BBC3: variants seen among roughly 807,000 people sequenced by gnomAD.
The protein encoded by BBC3 is BCL2 binding component 3.
BBC3 carries 5 observed loss-of-function variants against 18.2 expected under a neutral mutation model. The observed-to-expected ratio is 0.27, with a 90% CI of 0.14 to 0.58. BBC3 has a LOEUF of 0.58. Among genes scored for constraint, BBC3 ranks in the 20% least tolerant of loss-of-function variants. The pLI is 0.91. For missense variants in BBC3, 224 were observed against 268.9 expected, an observed-to-expected ratio of 0.83 and a Z score of 1.17; for synonymous variants, 119 against 128.0, an observed-to-expected ratio of 0.93 and a Z score of 0.47.
At chr19:47,222,698 G>C (rs1337355476) in intron 3 of BBC3, 1 of 152,138 alleles carries the variant, frequency 6.6e-6, no homozygotes, top group East Asian at 1.9e-4. Flanking sequence ...GGGCGCGGTG[G>C]CTCACGCCTG....
At chr19:47,231,573 G>A (rs988729189), upstream of BBC3, among the ~76,000 whole-genome samples, 1 of 152,190 alleles carries the variant, frequency 6.6e-6, no homozygotes, top group South Asian at 2.1e-4. This position sits in a 1 kb window ranked among gnomAD's most constrained non-coding sequence, Gnocchi z 4.0. Flanking sequence ...AAAGTCACGT[G>A]CAGGCAGAGC....
chr19:47,232,724 C>T (rs377149725), upstream of BBC3: 8 of 854,246 alleles, frequency 9.4e-6, no homozygotes, highest in Non-Finnish European at 1.4e-5. Context: ...GTCTCCTCTA[C>T]ACTTTCCATC....
At chr19:47,224,667 A>T (rs1276033473) in intron 3 of BBC3, among the ~76,000 whole-genome samples, 1 of 152,054 alleles carries the variant, frequency 6.6e-6, no homozygotes, top group South Asian at 2.1e-4. Flanking sequence ...ATATCCATCA[A>T]TGAGAAAATG....
At chr19:47,231,209 G>A, upstream of BBC3, 1 of 981,984 alleles carries the variant, frequency 1.0e-6, no homozygotes, top group Non-Finnish European at 1.2e-6. This position sits in a 1 kb window ranked among gnomAD's most constrained non-coding sequence, Gnocchi z 4.0. Flanking sequence ...CAGGCCGCCC[G>A]GCGGATCCCG....
At chr19:47,222,928 T>G (rs1271344569) in intron 3 of BBC3, among the ~76,000 whole-genome samples, 1 of 129,560 alleles carries the variant, frequency 7.7e-6, no homozygotes, top group Admixed American at 9.0e-5. Context: ...ATCGTGCCAT[T>G]GCACTCCAGC....
At chr19:47,225,316 G>C (rs2123369233) in intron 3 of BBC3, among the ~76,000 whole-genome samples, 1 of 152,254 alleles carries the variant, frequency 6.6e-6, no homozygotes, top group Admixed American at 6.5e-5. Flanking sequence ...CCAAAGGGCT[G>C]GGATTACAGG....
At chr19:47,224,480 A>G (rs1016545046) in intron 3 of BBC3, among the ~76,000 whole-genome samples, 1 of 151,192 alleles carries the variant, frequency 6.6e-6, no homozygotes, top group African/African-American at 2.4e-5. Flanking sequence ...AATAAAAATT[A>G]GCCAGGCATG....
At chr19:47,232,447 C>T, upstream of BBC3, 1 of 1,399,674 alleles carries the variant, frequency 7.1e-7, no homozygotes, top group South Asian at 1.3e-5. Context: ...AAAGTCACAC[C>T]TGTGACAGCT....
At position 47,228,484 on chromosome 19, in the gene BBC3, G is replaced by T; in HGVS notation, c.-15-38C>A. ...GGAGGAGGAGCAGGTCAGCAGGGAA[G>T]TACCAGGGCCCACTGTACCTCCAGC... is the stretch of plus-strand genomic sequence containing the variant. On this transcript the variant is annotated intron_variant, in intron 1 of 3. Coordinates refer to ENST00000439096, the MANE Select transcript of BBC3 (RefSeq NM_014417.5). This position sits in a 1 kb window ranked among gnomAD's most constrained non-coding sequence, Gnocchi z 5.5. 1 of 1,230,534 alleles carries T rather than the reference G, an allele frequency of 8.1e-7. No homozygotes were observed. Among genetic ancestry groups the T allele is most frequent in the Non-Finnish European group, 1.0e-6 (1 of 986,810 alleles). 76.2% of individuals were successfully genotyped at this position (1,230,534 alleles called of 1,614,324 possible).
chr19:47,229,282 T>C (rs1370330320), intron 1 of BBC3, among the ~76,000 whole-genome samples: 2 of 148,496 alleles, frequency 1.3e-5, no homozygotes, highest in Non-Finnish European at 3.0e-5. Flanking sequence ...TGGACTCACA[T>C]ATCAACACAA....
In BBC3 at chr19:47,228,700, G is replaced by A. The variant is rs2058872175; in HGVS notation, c.-15-254C>T. ...GGGCACAGGACGGCTCTCACAGCAA[G>A]GACAGGGCTCACACAGGACGGATGG... On this transcript the variant is annotated intron_variant, in intron 1 of 3. Transcript: ENST00000439096. The surrounding 1 kb of genome is among the most constrained non-coding windows in gnomAD (Gnocchi z 5.5). Among the ~76,000 whole-genome samples, 1 of 152,008 alleles carries A rather than the reference G, an allele frequency of 6.6e-6. No individual in the cohort carries two copies. The highest frequency in any genetic ancestry group is 2.4e-5 in the African/African-American group (1 of 41,368).
intron 3 of BBC3, among the ~76,000 whole-genome samples, chr19:47,224,162 G>A (rs2123363927): frequency 6.6e-6 from 1 of 152,214 alleles, no homozygotes; most frequent in East Asian, 1.9e-4. Context: ...GGGCATGGTG[G>A]CAGGCATCTG....
In BBC3 at chr19:47,221,737, G is replaced by A; in HGVS notation, c.*65C>T. 1 of 1,603,312 alleles carries A rather than the reference G, an allele frequency of 6.2e-7. No homozygotes were observed. The highest frequency in any genetic ancestry group is 8.5e-7 in the Non-Finnish European group (1 of 1,177,160). ...AGAGAAAGTCCCCCGCGCTGGCCAG[G>A]GTGTCAGGAGGTGGGAGGGGCCTGC... On this transcript the variant is annotated 3_prime_UTR_variant, in exon 4 of 4. Coordinates refer to ENST00000439096, the MANE Select transcript of BBC3 (RefSeq NM_014417.5).
chr19:47,232,644 C>G (rs962766552), upstream of BBC3: 28 of 1,502,488 alleles, frequency 1.9e-5, no homozygotes, highest in Non-Finnish European at 2.5e-5. Context: ...TTCAGTTTCT[C>G]ATTGTTACTT....
At chr19:47,223,566 CA>C (rs879458155) in intron 3 of BBC3, among the ~76,000 whole-genome samples, 56 of 151,088 alleles carry the variant, frequency 3.7e-4, no homozygotes, top group African/African-American at 1.0e-3. Context: ...GACTCCGTGT[CA>C]AAAAAAAAAT....
intron 2 of BBC3, among the ~76,000 whole-genome samples, chr19:47,227,354 G>A (rs1600246541): frequency 2.4e-5 from 2 of 84,076 alleles, no homozygotes; most frequent in African/African-American, 1.0e-4. Flanking sequence ...GGAGGCTCCT[G>A]CCCTCCCGTC....
intron 3 of BBC3, among the ~76,000 whole-genome samples, 190 bp downstream of exon 3, chr19:47,226,374 C>A (rs1160410736): frequency 6.6e-6 from 1 of 152,044 alleles, no homozygotes; most frequent in East Asian, 1.9e-4. Context: ...CTATGCCAGC[C>A]GCGGCGCGGA....
chr19:47,223,755 G>A (rs906226207), intron 3 of BBC3, among the ~76,000 whole-genome samples: 1 of 152,050 alleles, frequency 6.6e-6, no homozygotes, highest in African/African-American at 2.4e-5. Flanking sequence ...GTAGTGAGTC[G>A]CCTGGTACCA....
At chr19:47,227,110 T>G in intron 2 of BBC3, 3 of 185,408 alleles carry the variant, frequency 1.6e-5, no homozygotes, top group Non-Finnish European at 3.4e-5. Flanking sequence ...GGCCCGCCCT[T>G]AGGGAGTATC....
Sources: gnomAD v4.1 joint callset for allele counts (sites outside exome capture counted in the v4.1 genomes callset) on GRCh38, gnomAD v4.1.1 for gene constraint, Gnocchi (gnomAD v3.1) non-coding constraint, MANE v1.5 for transcripts, NCBI Gene and HGNC (gene_info 2026-07-23, HGNC 2026-07-21) for gene names.